Variants in RND3 observed in about 807,000 individuals in gnomAD.
The protein encoded by RND3 is rho-related GTP-binding protein RhoE.
A neutral mutation model predicts 26.5 loss-of-function variants in RND3; 8 were observed. That is an observed-to-expected ratio of 0.30 (90% CI 0.18 to 0.54). The LOEUF is 0.54. Ranked by LOEUF, RND3 falls within the 20% of genes least tolerant of loss-of-function variation. The pLI, the probability that RND3 is intolerant of heterozygous loss-of-function variation, is 0.94. For missense variants in RND3, 207 were observed against 302.8 expected (o/e 0.68, Z 2.35); for synonymous variants, 113 against 113.0 (o/e 1.00, Z 0.00).
intron 4 of RND3, among the ~76,000 whole-genome samples, chr2:150,472,382 C>T (rs138756489): frequency 4.6e-5 from 7 of 152,306 alleles, no homozygotes; most frequent in Non-Finnish European, 1.0e-4. Flanking sequence ...CTTGGGTCAT[C>T]GGGAAGGCAG....
chr2:150,485,850 A>G (rs2105224460), intron 3 of RND3, among the ~76,000 whole-genome samples: 1 of 152,196 alleles, frequency 6.6e-6, no homozygotes, highest in African/African-American at 2.4e-5. Context: ...TGGGAAAGCA[A>G]TAACCCGGCC....
In RND3 at chr2:150,469,706, T is replaced by G. The variant is rs1223270009; in HGVS notation, c.*281A>C. 8 of 367,686 alleles carry G rather than the reference T, an allele frequency of 2.2e-5. No individual in the cohort carries two copies. Among genetic ancestry groups the G allele is most frequent in the Non-Finnish European group, 3.4e-5 (7 of 204,498 alleles). 22.8% of individuals were successfully genotyped at this position (367,686 alleles called of 1,614,324 possible). A position where few individuals can be genotyped will look rare whatever the true frequency, so the allele number is the denominator to read the frequency against. ...GTGTGATTTTTCTTCTTGGAGGTAC[T>G]CGCATCCCCCCTCATCTTCCTCTAG... On this transcript the variant is annotated 3_prime_UTR_variant, in exon 6 of 6. Transcript: ENST00000263895.
upstream of RND3, chr2:150,487,671 G>C (rs1163563537): frequency 6.5e-6 from 1 of 153,360 alleles, no homozygotes; most frequent in Non-Finnish European, 1.4e-5. Context: ...CGACTGCTTT[G>C]TTTCACGCTC....
intron 3 of RND3, among the ~76,000 whole-genome samples, chr2:150,483,291 G>T (rs768543014): frequency 2.0e-5 from 3 of 152,168 alleles, no homozygotes; most frequent in South Asian, 4.2e-4. Context: ...CTTCTAAATG[G>T]TTGCCCTTCT....
At chr2:150,470,724 ACT>A (rs1313709102) in intron 5 of RND3, among the ~76,000 whole-genome samples, 4 of 152,072 alleles carry the variant, frequency 2.6e-5, no homozygotes, top group Admixed American at 6.6e-5. Flanking sequence ...ATGAACATAA[ACT>A]CTGCATTTTC....
At position 150,487,472 on chromosome 2, in the gene RND3, A is replaced by ATATATATATAT. The variant is rs1395547619; in HGVS notation, c.-38-18_-38-17insATATATATATA. On this transcript the variant is annotated splice_polypyrimidine_tract_variant and intron_variant, in intron 1 of 5. Coordinates refer to ENST00000263895, the MANE Select transcript of RND3 (RefSeq NM_005168.5). ...GAATTTTCTCTTAAGAAGAAAAAAA[A>ATATATATATAT]AAATATATATATATATATATATTTC... 3.8e-4 allele frequency: 131 copies of ATATATATATAT among 344,878 alleles called. No homozygotes were observed. Among genetic ancestry groups the ATATATATATAT allele is most frequent in the African/African-American group, 5.8e-4 (16 of 27,786 alleles). The allele number at this position is 344,878 out of a possible 1,614,324, so 21.4% of individuals were successfully genotyped here.
intron 5 of RND3, 104 bp downstream of exon 5, chr2:150,471,523 A>C: frequency 1.1e-6 from 1 of 920,754 alleles, no homozygotes; most frequent in Non-Finnish European, 1.6e-6. Flanking sequence ...CCACTGGGTG[A>C]GCCTTTAGAA....
chr2:150,482,728 TG>T (rs1178601580), intron 3 of RND3, among the ~76,000 whole-genome samples: 224 of 11,270 alleles, frequency 0.02, no homozygotes, highest in African/African-American at 0.059. Flanking sequence ...TGGGCGGGGG[TG>T]GGGGGGGCGG....
chr2:150,480,652 C>T (rs1239603863), intron 3 of RND3, among the ~76,000 whole-genome samples: 4 of 125,334 alleles, frequency 3.2e-5, no homozygotes, highest in Admixed American at 9.4e-5. Flanking sequence ...GCACTAAATG[C>T]GGCTAAAAAA....
intron 3 of RND3, among the ~76,000 whole-genome samples, chr2:150,480,630 G>T (rs749967605): frequency 1.3e-5 from 2 of 148,786 alleles, no homozygotes; most frequent in Non-Finnish European, 3.0e-5. Context: ...AAACCAGATT[G>T]GAAAAAAAAC....
chr2:150,471,799 A>G (rs1381680307), intron 4 of RND3, 38 bp from the exon 5 acceptor site: 1 of 1,537,084 alleles, frequency 6.5e-7, no homozygotes. Context: ...AAATGAACAA[A>G]GTAACGGTAT....
intron 3 of RND3, among the ~76,000 whole-genome samples, chr2:150,477,081 C>T (rs916395777): frequency 2.6e-5 from 4 of 152,078 alleles, no homozygotes; most frequent in African/African-American, 4.8e-5. Flanking sequence ...TCAAAGTCCG[C>T]GAGAGACAAC....
At position 150,470,157 on chromosome 2, in the gene RND3, T is replaced by C; in HGVS notation, c.565A>G (p.Ile189Val). 6.2e-7 allele frequency: 1 copy of C among 1,613,974 alleles called. No individual in the cohort carries two copies. Among genetic ancestry groups the C allele is most frequent in the African/African-American group, 1.3e-5 (1 of 75,000 alleles). Residue 189 changes from isoleucine to valine, a missense_variant, in exon 6 of 6, where the codon ATT becomes GTT. Physicochemically the swap from Ile to Val is conservative, Grantham distance 29. Coordinates refer to ENST00000263895, the MANE Select transcript of RND3 (RefSeq NM_005168.5). The part of the protein sequence containing the change: ...ALQSENSVRD[I>V]FHVATLACVN... ...CATGCCAAGGTGGCAACGTGAAAAATGTCTCTGACGCTATTTTCCGACTGT... is the reference window on the plus strand; with the variant it reads ...CATGCCAAGGTGGCAACGTGAAAAACGTCTCTGACGCTATTTTCCGACTGT...
chr2:150,483,411 C>T (rs2105222927), intron 3 of RND3, among the ~76,000 whole-genome samples: 1 of 152,310 alleles, frequency 6.6e-6, no homozygotes, highest in African/African-American at 2.4e-5. Context: ...ATATAAGTCT[C>T]TTTCACAAAG....
At position 150,487,474 on chromosome 2, in the gene RND3, A is replaced by AAAATATATATAT; in HGVS notation, c.-38-20_-38-19insATATATATATTT. 2.2e-3 allele frequency: 450 copies of AAAATATATATAT among 200,732 alleles called. 2 individuals carry two copies. Among genetic ancestry groups the AAAATATATATAT allele is most frequent in the Non-Finnish European group, 2.7e-3 (309 of 114,622 alleles). 12.4% of individuals were successfully genotyped at this position (200,732 alleles called of 1,614,324 possible). On this transcript the variant is annotated intron_variant, in intron 1 of 5. Transcript: ENST00000263895. ...ATTTTCTCTTAAGAAGAAAAAAAAAAATATATATATATATATATATTTCTC... is the reference window on the plus strand; with the variant it reads ...ATTTTCTCTTAAGAAGAAAAAAAAAAAAATATATATATATATATATATATATATATATTTCTC...
At chr2:150,485,993 G>A (rs1480791661) in intron 3 of RND3, among the ~76,000 whole-genome samples, 4 of 152,140 alleles carry the variant, frequency 2.6e-5, no homozygotes, top group Admixed American at 6.5e-5. Context: ...GGTCAGGAGG[G>A]GCTGGTGTGG....
chr2:150,473,653 A>G (rs1231770853), intron 4 of RND3, among the ~76,000 whole-genome samples: 1 of 152,214 alleles, frequency 6.6e-6, no homozygotes, highest in Non-Finnish European at 1.5e-5. Flanking sequence ...CTATTAAGAA[A>G]GAGATCTACT....
At chr2:150,478,795 A>G (rs568390459) in intron 3 of RND3, among the ~76,000 whole-genome samples, 90 of 152,216 alleles carry the variant, frequency 5.9e-4, no homozygotes, top group African/African-American at 2.1e-3. Flanking sequence ...CTAAAGTCCA[A>G]TAACATTTAG....
At chr2:150,484,255 T>G (rs1686323240) in intron 3 of RND3, among the ~76,000 whole-genome samples, 1 of 152,220 alleles carries the variant, frequency 6.6e-6, no homozygotes, top group Non-Finnish European at 1.5e-5. Flanking sequence ...GAGTTTTGAT[T>G]AAATGCATGA....
Sources: gnomAD v4.1 joint callset for allele counts (sites outside exome capture counted in the v4.1 genomes callset) on GRCh38, gnomAD v4.1.1 for gene constraint, MANE v1.5 for transcripts, NCBI Gene and HGNC (gene_info 2026-07-23, HGNC 2026-07-21) for gene names.